Variants in GSK3B observed in about 807,000 individuals in gnomAD.
The protein encoded by GSK3B is glycogen synthase kinase-3 beta.
GSK3B carries 15 observed loss-of-function variants against 56.4 expected under a neutral mutation model. That is an observed-to-expected ratio of 0.27 (90% CI 0.18 to 0.41). The LOEUF is 0.41. GSK3B is among the 10% of genes least tolerant of loss of function. GSK3B has a pLI of 1.00. For synonymous variants in GSK3B, 181 were observed against 188.9 expected, an observed-to-expected ratio of 0.96 and a Z score of 0.34; for missense variants, 300 against 513.4, an observed-to-expected ratio of 0.58 and a Z score of 4.02.
intron 1 of GSK3B, among the ~76,000 whole-genome samples, chr3:120,033,106 C>T (rs2057991923): frequency 6.6e-6 from 1 of 152,170 alleles, no homozygotes; most frequent in South Asian, 2.1e-4. Flanking sequence ...TCATATGATA[C>T]TTGGTCTTTT....
chr3:120,021,370 G>A (rs1424721063), intron 1 of GSK3B, among the ~76,000 whole-genome samples: 1 of 150,988 alleles, frequency 6.6e-6, no homozygotes, highest in Non-Finnish European at 1.5e-5. Context: ...AAAAAAATTA[G>A]CCGGGCATGG....
At chr3:119,872,723 A>C (rs1168353687) in intron 8 of GSK3B, among the ~76,000 whole-genome samples, 1 of 152,178 alleles carries the variant, frequency 6.6e-6, no homozygotes, top group Non-Finnish European at 1.5e-5. Context: ...TCAAAACTAA[A>C]GTAATCCTTT....
intron 9 of GSK3B, among the ~76,000 whole-genome samples, chr3:119,853,857 C>A (rs1451307501): frequency 6.6e-6 from 1 of 152,048 alleles, no homozygotes; most frequent in African/African-American, 2.4e-5. Flanking sequence ...ACAATCATCT[C>A]ATCTGCAAAC....
At chr3:119,848,412 A>T (rs1473713781) in intron 9 of GSK3B, among the ~76,000 whole-genome samples, 1 of 150,848 alleles carries the variant, frequency 6.6e-6, no homozygotes, top group Non-Finnish European at 1.5e-5. Context: ...TAAAAAGTTC[A>T]AGAAAAGCTT....
intron 3 of GSK3B, among the ~76,000 whole-genome samples, chr3:119,928,455 A>T (rs1281456175): frequency 6.6e-6 from 1 of 151,826 alleles, no homozygotes; most frequent in African/African-American, 2.4e-5. Context: ...AATACAAAAA[A>T]TTAGCCGGGC....
chr3:119,919,532 G>GAAAAAAAAAAAAAA (rs1191428996), intron 4 of GSK3B, among the ~76,000 whole-genome samples: 3 of 97,348 alleles, frequency 3.1e-5, no homozygotes, highest in Non-Finnish European at 4.4e-5. Context: ...AAAAAAAAAA[G>GAAAAAAAAAAAAAA]AAAAAAAAAA....
intron 1 of GSK3B, among the ~76,000 whole-genome samples, chr3:120,024,111 G>A (rs1207647081): frequency 6.6e-6 from 1 of 152,112 alleles, no homozygotes; most frequent in African/African-American, 2.4e-5. Flanking sequence ...GAGGACTGCT[G>A]TTTGAGCCCA....
At chr3:119,898,125 T>A (rs919073887) in intron 7 of GSK3B, among the ~76,000 whole-genome samples, 4 of 152,198 alleles carry the variant, frequency 2.6e-5, no homozygotes, top group Non-Finnish European at 5.9e-5. Context: ...CACAATTACA[T>A]TAGCCTACAG....
chr3:120,071,088 G>A (rs2058322828), intron 1 of GSK3B, among the ~76,000 whole-genome samples: 1 of 152,202 alleles, frequency 6.6e-6, no homozygotes, highest in African/African-American at 2.4e-5. Flanking sequence ...GCAGTCCTTT[G>A]AGGGATGCTA....
intron 10 of GSK3B, among the ~76,000 whole-genome samples, chr3:119,842,851 T>C (rs1054987789): frequency 1.3e-5 from 2 of 152,202 alleles, no homozygotes; most frequent in Non-Finnish European, 2.9e-5. Flanking sequence ...GTTTTTGATA[T>C]ATAAAAGATA....
chr3:120,055,590 T>G (rs1358414467), intron 1 of GSK3B, among the ~76,000 whole-genome samples: 4 of 151,922 alleles, frequency 2.6e-5, no homozygotes, highest in African/African-American at 9.7e-5. Context: ...GGAGTTAGAG[T>G]GAGGAGGGGA....
chr3:119,855,356 T>C (rs907765253), intron 9 of GSK3B, among the ~76,000 whole-genome samples: 1 of 152,040 alleles, frequency 6.6e-6, no homozygotes, highest in Non-Finnish European at 1.5e-5. Context: ...TGTGGAAAAA[T>C]AGGAACACTT....
chr3:119,842,098 T>C (rs894536898), intron 10 of GSK3B, among the ~76,000 whole-genome samples: 1 of 152,250 alleles, frequency 6.6e-6, no homozygotes, highest in Middle Eastern at 3.4e-3. Context: ...AAAAAAAAGG[T>C]GCCAAATTCT....
At chr3:119,860,650 T>C (rs780234873) in intron 9 of GSK3B, among the ~76,000 whole-genome samples, 1 of 152,234 alleles carries the variant, frequency 6.6e-6, no homozygotes, top group Non-Finnish European at 1.5e-5. Flanking sequence ...TAAAACACTA[T>C]ATTTTACTCA....
chr3:120,080,735 G>A (rs1388150980), intron 1 of GSK3B, among the ~76,000 whole-genome samples: 1 of 151,890 alleles, frequency 6.6e-6, no homozygotes, highest in Admixed American at 6.6e-5. Flanking sequence ...GGAGGCTGAA[G>A]CATGAGAATT....
chr3:119,979,629 T>C (rs2107448729), intron 2 of GSK3B, among the ~76,000 whole-genome samples: 1 of 152,298 alleles, frequency 6.6e-6, no homozygotes, highest in Middle Eastern at 3.4e-3. Flanking sequence ...ATTCAAAAGG[T>C]CTTTATAGTT....
intron 1 of GSK3B, among the ~76,000 whole-genome samples, chr3:120,034,731 ACTC>A (rs1249867147): frequency 2.0e-5 from 3 of 152,052 alleles, no homozygotes; most frequent in Non-Finnish European, 4.4e-5. Flanking sequence ...GATATGTTAA[ACTC>A]CTAATCACAA....
In GSK3B at chr3:119,821,945, C is replaced by T. The variant is rs1437574953; in HGVS notation, c.*4843G>A. The T allele has an allele frequency of 1.1e-5, 2 of 182,598 alleles. No homozygotes were observed. The highest frequency in any genetic ancestry group is 8.9e-5 in the East Asian group (1 of 11,194). 11.3% of individuals were successfully genotyped at this position (182,598 alleles called of 1,614,324 possible). A position where few individuals can be genotyped will look rare whatever the true frequency, so the allele number is the denominator to read the frequency against. ...TGGGTACTGAAATAAAGACCACACA[C>T]TTGTGAATTTTAATTTCATTTCCAG... On this transcript the variant is annotated 3_prime_UTR_variant, in exon 11 of 11. Coordinates refer to ENST00000264235, the MANE Select transcript of GSK3B (RefSeq NM_001146156.2).
At chr3:120,089,450 T>A (rs553524859) in intron 1 of GSK3B, among the ~76,000 whole-genome samples, 38 of 152,336 alleles carry the variant, frequency 2.5e-4, no homozygotes, top group African/African-American at 9.1e-4. Flanking sequence ...ACCTAATTTT[T>A]AGATGTCATA....
Sources: gnomAD v4.1 joint callset for allele counts (sites outside exome capture counted in the v4.1 genomes callset) on GRCh38, gnomAD v4.1.1 for gene constraint, MANE v1.5 for transcripts, NCBI Gene and HGNC (gene_info 2026-07-23, HGNC 2026-07-21) for gene names.